The following SRCAP variants were observed in gnomAD, a reference collection of about 807,000 sequenced individuals.
The protein encoded by SRCAP is chromatin remodeling protein SRCAP.
A neutral mutation model predicts 263.1 loss-of-function variants in SRCAP; 46 were observed. The ratio of observed to expected loss-of-function variants is 0.17; its 90% CI spans 0.14 to 0.22. The LOEUF is 0.22. SRCAP is among the 10% of genes least tolerant of loss of function. The pLI, the probability that SRCAP is intolerant of heterozygous loss-of-function variation, is 1.00. For missense variants in SRCAP, 3,695 were observed against 4,181.9 expected (o/e 0.88, Z 3.21); for synonymous variants, 1,813 against 1,662.1 (o/e 1.09, Z -2.21).
rs2053039532 is a variant in SRCAP at position 30,724,172 on chromosome 16, T to C, written c.4748T>C (p.Leu1583Pro). The C allele has an allele frequency of 1.9e-6, 3 of 1,614,112 alleles. No individual in the cohort carries two copies. Among genetic ancestry groups the C allele is most frequent in the Non-Finnish European group, 2.5e-6 (3 of 1,180,004 alleles). The change falls in exon 25 of 34, where the codon CTA (leucine) becomes CCA (proline). Residue 1583 changes from leucine to proline, a missense_variant. Coordinates refer to ENST00000262518, the MANE Select transcript of SRCAP (RefSeq NM_006662.3). ...LAPASSASQA[L>P]ATPLAPMAAP... ...CCAGCATCTTCTGCATCTCAGGCTC[T>C]AGCCACCCCTCTGGCTCCTATGGCG...
chr16:30,705,335 G>A (rs1369754905), intron 4 of SRCAP, among the ~76,000 whole-genome samples: 1 of 152,124 alleles, frequency 6.6e-6, no homozygotes, highest in Non-Finnish European at 1.5e-5. Context: ...CTCACCCACC[G>A]ACCCATTTGA....
In SRCAP at chr16:30,739,396, C is replaced by T. The variant is rs763706802; in HGVS notation, c.9356C>T (p.Ser3119Leu). 7 of 1,614,090 alleles carry T rather than the reference C, an allele frequency of 4.3e-6. No individual in the cohort carries two copies. The highest frequency in any genetic ancestry group is 1.3e-5 in the African/African-American group (1 of 74,928). ...PVVSLTPKLR[S>L]TRLRPGSLVP... ...GTCTCACTAACCCCAAAACTGCGCT[C>T]GACCCGGCTGCGTCCAGGGTCTCTA... Residue 3119 changes from serine (S) to leucine (L), a missense_variant, in exon 34 of 34, where the codon TCG (serine) becomes TTG (leucine). Ser to Leu is a moderately radical substitution (Grantham distance 145). Around this residue, in one of 12 missense-constraint regions of SRCAP, gnomAD observed 1,207 missense variants for 1,142.9 expected, o/e 1.06. Coordinates refer to ENST00000262518, the MANE Select transcript of SRCAP (RefSeq NM_006662.3).
At chr16:30,722,485 C>A (rs952325691) in intron 22 of SRCAP, 78 bp from the exon 23 acceptor site, 2 of 1,557,528 alleles carry the variant, frequency 1.3e-6, no homozygotes, top group African/African-American at 2.7e-5. Flanking sequence ...CTGTTCTTTT[C>A]TTCTCTTCTT....
chr16:30,722,425 A>G, intron 22 of SRCAP, 138 bp from the exon 23 acceptor site: 1 of 1,498,570 alleles, frequency 6.7e-7, no homozygotes, highest in South Asian at 1.3e-5. Flanking sequence ...GGTTGGAGGG[A>G]TCTTGGATAA....
At chr16:30,711,410 C>T (rs1488413609) in intron 10 of SRCAP, among the ~76,000 whole-genome samples, 161 bp from the exon 11 acceptor site, 1 of 152,138 alleles carries the variant, frequency 6.6e-6, no homozygotes, top group African/African-American at 2.4e-5. Flanking sequence ...GGTTGTGGGG[C>T]TTGGCTTTGC....
chr16:30,722,017 G>C (rs1368803749), intron 21 of SRCAP, 105 bp from the exon 22 acceptor site: 2 of 1,409,714 alleles, frequency 1.4e-6, no homozygotes, highest in Non-Finnish European at 1.9e-6. Context: ...GAAGGGCTTA[G>C]TTGTTTGAAC....
chr16:30,704,369 C>T (rs2052803059), intron 4 of SRCAP, 54 bp downstream of exon 4: 1 of 1,525,290 alleles, frequency 6.6e-7, no homozygotes, highest in Admixed American at 2.2e-5. Context: ...CCGTAAACTC[C>T]CACGTCCTCT....
intron 32 of SRCAP, 43 bp from the exon 33 acceptor site, chr16:30,736,498 G>T (rs2053161945): frequency 6.2e-7 from 1 of 1,612,944 alleles, no homozygotes. Flanking sequence ...TGGGGCCCTG[G>T]GTACCAGGTT....
rs2053092837 is a variant in SRCAP at position 30,729,429 on chromosome 16, C to T, written c.5984C>T (p.Pro1995Leu). The change falls in exon 27 of 34, where the codon CCA becomes CTA. Residue 1995 changes from proline (P) to leucine (L), a missense_variant. Transcript: ENST00000262518. ...APPPSLHACH[P>L]PPWLAPRQAA... ...CCCCCTTCCCTGCATGCCTGCCACC[C>T]ACCTCCTTGGCTGGCCCCACGTCAG... 6.2e-7 allele frequency: 1 copy of T among 1,614,214 alleles called. No individual in the cohort carries two copies. The highest frequency in any genetic ancestry group is 8.5e-7 in the Non-Finnish European group (1 of 1,180,040).
At chr16:30,716,575 C>A in intron 18 of SRCAP, 96 bp downstream of exon 18, 1 of 1,051,800 alleles carries the variant, frequency 9.5e-7, no homozygotes, top group South Asian at 1.6e-5. Flanking sequence ...CTTTTGCATC[C>A]TCATGACTCC....
rs775301897 is a variant in SRCAP, at chr16:30,729,135, C to T, written c.5828C>T (p.Pro1943Leu). ...ASPIGPRSPG[P>L]SHPTFWTYTE... ...CCCATCGGCCCTCGTTCTCCTGGCC[C>T]CAGCCACCCCACCTTTTGGACTTAT... Residue 1943 changes from proline (P) to leucine (L), a missense_variant, in exon 26 of 34, where the codon CCC becomes CTC. Transcript: ENST00000262518. The T allele has an allele frequency of 6.2e-7, 1 of 1,614,202 alleles. No individual in the cohort carries two copies. Among genetic ancestry groups the T allele is most frequent in the Non-Finnish European group, 8.5e-7 (1 of 1,180,042 alleles).
intron 4 of SRCAP, among the ~76,000 whole-genome samples, chr16:30,704,924 C>T (rs1166714540): frequency 1.3e-5 from 2 of 152,198 alleles, no homozygotes; most frequent in South Asian, 2.1e-4. Flanking sequence ...TTATTTCTAT[C>T]GTGCAGTCTG....
intron 16 of SRCAP, 136 bp downstream of exon 16, chr16:30,713,847 C>T: frequency 1.4e-6 from 1 of 735,746 alleles, no homozygotes; most frequent in Non-Finnish European, 2.2e-6. Context: ...CTGCAGTGTT[C>T]TAGTGACTAA....
chr16:30,701,888 T>C (rs1301677557), intron 3 of SRCAP, among the ~76,000 whole-genome samples: 2 of 151,748 alleles, frequency 1.3e-5, no homozygotes, highest in Non-Finnish European at 2.9e-5. Flanking sequence ...CACCTTGGCC[T>C]CCCAAAGTAT....
At chr16:30,708,269 T>TA (rs1298892689) in intron 6 of SRCAP, among the ~76,000 whole-genome samples, 2 of 152,178 alleles carry the variant, frequency 1.3e-5, no homozygotes, top group Admixed American at 1.3e-4. Context: ...AGTGCAGTGG[T>TA]ACGATCACAG....
chr16:30,739,844 A>G lies in SRCAP; in HGVS notation c.*111A>G. 1.4e-6 allele frequency: 2 copies of G among 1,401,864 alleles called. No individual in the cohort carries two copies. The highest frequency in any genetic ancestry group is 5.4e-5 in the East Asian group (2 of 37,330). 86.8% of individuals were successfully genotyped at this position (1,401,864 alleles called of 1,614,324 possible). On this transcript the variant is annotated 3_prime_UTR_variant, in exon 34 of 34. Transcript: ENST00000262518. ...TGAGGGGGAAAGCCTCCAGGGAGAC[A>G]TAGGGGCCTTCTCCCTTCTTCCCAC... is the stretch of plus-strand genomic sequence containing the variant.
At chr16:30,720,674 C>T in intron 19 of SRCAP, 39 bp from the exon 20 acceptor site, 1 of 1,543,942 alleles carries the variant, frequency 6.5e-7, no homozygotes, top group Non-Finnish European at 8.8e-7. Flanking sequence ...CCCTTATTCT[C>T]CTTCTGTCCC....
intron 14 of SRCAP, 121 bp from the exon 15 acceptor site, chr16:30,713,087 T>C (rs779130578): frequency 1.2e-5 from 14 of 1,166,348 alleles, no homozygotes; most frequent in African/African-American, 3.1e-5. Flanking sequence ...CTCCATTCTT[T>C]TGCTGGGACT....
At position 30,722,369 on chromosome 16, in the gene SRCAP, T is replaced by C; in HGVS notation, c.3706+83T>C. The C allele has an allele frequency of 2.6e-6, 4 of 1,554,184 alleles. No homozygotes were observed. In the Admixed American group the frequency reaches 7.6e-5, roughly 29 times the overall value. ...TTTGTGACTTTTTTGAATGTCAGCCTTTATGTTTCTTACCCAAGCTTTTGG... is the reference window on the plus strand; with the variant it reads ...TTTGTGACTTTTTTGAATGTCAGCCCTTATGTTTCTTACCCAAGCTTTTGG... On this transcript the variant is annotated intron_variant, in intron 22 of 33. Coordinates refer to ENST00000262518, the MANE Select transcript of SRCAP (RefSeq NM_006662.3).
Sources: gnomAD v4.1 joint callset for allele counts (sites outside exome capture counted in the v4.1 genomes callset) on GRCh38, gnomAD v4.1.1 for gene constraint, gnomAD v4.1.1 regional missense constraint, MANE v1.5 for transcripts, NCBI Gene and HGNC (gene_info 2026-07-23, HGNC 2026-07-21) for gene names.